The following IMMP2L variants were observed in gnomAD, a reference collection of about 807,000 sequenced individuals.
IMMP2L encodes inner mitochondrial membrane peptidase subunit 2.
In IMMP2L, 18 loss-of-function variants were observed where a neutral mutation model predicts 19.3. That is an observed-to-expected ratio of 0.93 (90% CI 0.64 to 1.38). IMMP2L has a LOEUF of 1.38. Ranked by LOEUF, IMMP2L falls within the 40% of genes most tolerant of loss-of-function variation. The probability of loss-of-function intolerance (pLI) is 0.00; values close to 1 mark genes in which losing one functional copy is unlikely to be tolerated. For missense variants in IMMP2L, 233 were observed against 218.2 expected (o/e 1.07, Z -0.43); for synonymous variants, 76 against 73.0 (o/e 1.04, Z -0.21).
At chr7:111,150,289 C>T (rs954360580) in intron 3 of IMMP2L, among the ~76,000 whole-genome samples, 2 of 152,236 alleles carry the variant, frequency 1.3e-5, no homozygotes, top group Non-Finnish European at 2.9e-5. Flanking sequence ...CTCCAAGACA[C>T]AGGGTTTACT....
intron 5 of IMMP2L, among the ~76,000 whole-genome samples, chr7:110,862,478 A>G (rs1807546135): frequency 6.6e-6 from 1 of 151,488 alleles, no homozygotes; most frequent in African/African-American, 2.4e-5. Flanking sequence ...AGCTGTGTCT[A>G]TAGATATGTG....
At chr7:111,092,525 GAAGTA>G (rs1241815932) in intron 3 of IMMP2L, among the ~76,000 whole-genome samples, 1 of 152,120 alleles carries the variant, frequency 6.6e-6, no homozygotes, top group African/African-American at 2.4e-5. Flanking sequence ...AACAAAAATA[GAAGTA>G]AAGGTTCAAA....
At chr7:111,483,129 G>C (rs1434875341) in intron 3 of IMMP2L, among the ~76,000 whole-genome samples, 2 of 152,010 alleles carry the variant, frequency 1.3e-5, no homozygotes, top group Non-Finnish European at 2.9e-5. Flanking sequence ...CTTGAACTAT[G>C]GTTCTATATA....
chr7:110,939,925 T>A (rs1395245664), intron 4 of IMMP2L, among the ~76,000 whole-genome samples: 1 of 152,204 alleles, frequency 6.6e-6, no homozygotes, highest in Non-Finnish European at 1.5e-5. Flanking sequence ...TATACTCATG[T>A]GGGCAAAACA....
chr7:110,781,516 A>C (rs1222053094), intron 5 of IMMP2L, among the ~76,000 whole-genome samples: 1 of 151,888 alleles, frequency 6.6e-6, no homozygotes, highest in African/African-American at 2.4e-5. Context: ...TTTTCATCAA[A>C]TATCTACTCA....
intron 5 of IMMP2L, among the ~76,000 whole-genome samples, chr7:110,881,155 G>A (rs192144334): frequency 5.3e-5 from 8 of 151,928 alleles, no homozygotes. Context: ...TTTACTGCAT[G>A]GACATTTCTT....
In IMMP2L at chr7:111,138,914, C is replaced by A. The variant is rs144702514; in HGVS notation, c.240-175349G>T. 4.5e-3 allele frequency among the ~76,000 whole-genome samples: 684 copies of A among 152,174 alleles called. 10 individuals are homozygous for A. Among genetic ancestry groups the A allele is most frequent in the African/African-American group, 0.016 (661 of 41,520 alleles). ...AACAGAGATTGCCTGTATTTATTTT[C>A]TAGGAAGGGAAAATATTGAAAATTA... On this transcript the variant is annotated intron_variant, in intron 3 of 5. Transcript: ENST00000405709.
chr7:111,221,659 G>A (rs1337891783), intron 3 of IMMP2L, among the ~76,000 whole-genome samples: 2 of 151,968 alleles, frequency 1.3e-5, no homozygotes, highest in Non-Finnish European at 2.9e-5. Flanking sequence ...ATGTTCACAT[G>A]TGGGAAAAAA....
intron 3 of IMMP2L, among the ~76,000 whole-genome samples, chr7:111,195,094 A>G (rs1809325656): frequency 6.6e-6 from 1 of 152,178 alleles, no homozygotes; most frequent in African/African-American, 2.4e-5. Flanking sequence ...CATGCACTAC[A>G]TAAAACTTAC....
chr7:111,386,774 G>A (rs1242507866), intron 3 of IMMP2L, among the ~76,000 whole-genome samples: 1 of 152,010 alleles, frequency 6.6e-6, no homozygotes, highest in Non-Finnish European at 1.5e-5. Flanking sequence ...GTTCCTTGAA[G>A]GTTATGTATA....
intron 3 of IMMP2L, among the ~76,000 whole-genome samples, chr7:111,300,116 G>GATC (rs1822063412): frequency 6.6e-6 from 1 of 152,132 alleles, no homozygotes; most frequent in Non-Finnish European, 1.5e-5. Flanking sequence ...GGTCCTCTGG[G>GATC]ATCAGGTCAC....
At chr7:111,322,570 G>T (rs779243043) in intron 3 of IMMP2L, among the ~76,000 whole-genome samples, 1 of 151,098 alleles carries the variant, frequency 6.6e-6, no homozygotes, top group Non-Finnish European at 1.5e-5. Context: ...AAAGAAATTC[G>T]ATATCTGGGT....
At position 110,924,340 on chromosome 7, in the gene IMMP2L, T is replaced by C. The variant is rs1020817348; in HGVS notation, c.306-37645A>G. Among the ~76,000 whole-genome samples, 3 of 152,104 alleles carry C rather than the reference T, an allele frequency of 2.0e-5. No individual in the cohort carries two copies. The highest frequency in any genetic ancestry group is 4.8e-5 in the African/African-American group (2 of 41,404). On this transcript the variant is annotated intron_variant, in intron 4 of 5. Coordinates refer to ENST00000405709, the MANE Select transcript of IMMP2L (RefSeq NM_032549.4). This position sits in a 1 kb window ranked among gnomAD's most constrained non-coding sequence, Gnocchi z 4.2. ...TGTGGATAGGGATCGGGATTTATTT[T>C]TGTTTCTCTTCTAAGAAGTCCTCTG...
chr7:110,792,559 G>C (rs1187085721), intron 5 of IMMP2L, among the ~76,000 whole-genome samples: 2 of 149,318 alleles, frequency 1.3e-5, no homozygotes, highest in Non-Finnish European at 2.9e-5. Context: ...AGAAAACACA[G>C]AGAATTCTCA....
chr7:111,360,555 T>C (rs1485678468), intron 3 of IMMP2L, among the ~76,000 whole-genome samples: 1 of 152,130 alleles, frequency 6.6e-6, no homozygotes, highest in Non-Finnish European at 1.5e-5. Flanking sequence ...CAGTGGCTCT[T>C]GCCTGTAATC....
chr7:111,322,165 T>A (rs1032370234), intron 3 of IMMP2L, among the ~76,000 whole-genome samples: 23 of 152,076 alleles, frequency 1.5e-4, no homozygotes, highest in African/African-American at 5.3e-4. Context: ...ATTGGTAATT[T>A]AATTAGTCTT....
intron 3 of IMMP2L, among the ~76,000 whole-genome samples, chr7:111,084,029 AC>A (rs1796100472): frequency 6.6e-6 from 1 of 152,132 alleles, no homozygotes; most frequent in African/African-American, 2.4e-5. Context: ...TGTGAGCCTG[AC>A]TGTGTTGTGG....
chr7:110,844,985 A>C (rs1319623302), intron 5 of IMMP2L, among the ~76,000 whole-genome samples: 1 of 152,136 alleles, frequency 6.6e-6, no homozygotes, highest in African/African-American at 2.4e-5. Context: ...TATCTAGGAA[A>C]TTGGATGGCT....
At chr7:111,372,978 A>T (rs1049280866) in intron 3 of IMMP2L, among the ~76,000 whole-genome samples, 3 of 152,084 alleles carry the variant, frequency 2.0e-5, no homozygotes, top group Admixed American at 2.0e-4. Flanking sequence ...TCTGTTACCC[A>T]CTGGAGGAAG....
Sources: allele counts gnomAD v4.1 joint callset (sites outside exome capture counted in the v4.1 genomes callset), GRCh38; gene constraint gnomAD v4.1.1; non-coding constraint Gnocchi (gnomAD v3.1); transcripts MANE v1.5; gene names NCBI Gene and HGNC (gene_info 2026-07-23, HGNC 2026-07-21).